CTBP2: variants seen among roughly 807,000 people sequenced by gnomAD.
CTBP2 encodes the protein C-terminal-binding protein 2.
CTBP2 carries 30 observed loss-of-function variants against 80.3 expected under a neutral mutation model. The ratio of observed to expected loss-of-function variants is 0.37; its 90% CI spans 0.28 to 0.51. The LOEUF (loss-of-function observed/expected upper bound fraction) is 0.51. Among genes scored for constraint, CTBP2 ranks in the 20% least tolerant of loss-of-function variants. The pLI is 0.93. For synonymous variants in CTBP2, 594 were observed against 587.4 expected (o/e 1.01, Z -0.16); for missense variants, 1,212 against 1,375.3 (o/e 0.88, Z 1.88).
chr10:124,992,298 G>A lies in CTBP2; in HGVS notation c.2777+397C>T, dbSNP rs138526054. Among the ~76,000 whole-genome samples, 606 of 148,956 alleles carry A rather than the reference G, an allele frequency of 4.1e-3. 4 individuals carry two copies. Among genetic ancestry groups the A allele is most frequent in the African/African-American group, 0.014 (578 of 40,312 alleles). On this transcript the variant is annotated intron_variant, in intron 8 of 8. Coordinates refer to ENST00000309035, the MANE Select transcript of CTBP2 (RefSeq NM_022802.3). Reference sequence around the variant, plus strand: ...TGGCCTAGGCTGGAGTGCAGTGGGTGATCTCGGCTCACTGCAATCTCCACC... The same window carrying A: ...TGGCCTAGGCTGGAGTGCAGTGGGTAATCTCGGCTCACTGCAATCTCCACC...
chr10:125,004,311 C>G (rs938599818), intron 1 of CTBP2, among the ~76,000 whole-genome samples: 1 of 152,190 alleles, frequency 6.6e-6, no homozygotes, highest in Non-Finnish European at 1.5e-5. Context: ...GCTTGCGCCC[C>G]GTGCACATAC....
At chr10:125,088,118 C>T (rs777327894) in intron 2 of CTBP2, 19 of 152,334 alleles carry the variant, frequency 1.2e-4, no homozygotes, top group Non-Finnish European at 2.1e-4. Context: ...CCTATGGAGC[C>T]ACCAAGAGCT....
In CTBP2 at chr10:125,078,679, G is replaced by A. The variant is rs547575415; in HGVS notation, c.-102+32311C>T. Reference sequence around the variant, plus strand: ...CAGCTCTGGAGGCGGAGCAATCACCGGATCCTGTAGAGATGGCCAAAGCCA... The same window carrying A: ...CAGCTCTGGAGGCGGAGCAATCACCAGATCCTGTAGAGATGGCCAAAGCCA... On this transcript the variant is annotated intron_variant, in intron 2 of 10. Transcript: ENST00000337195. Among the ~76,000 whole-genome samples, 14 of 152,186 alleles carry A rather than the reference G, an allele frequency of 9.2e-5. No individual in the cohort carries two copies. In the East Asian group the frequency reaches 1.3e-3, roughly 15 times the overall value.
chr10:125,151,218 GAAGACGAGGGC>G (rs1859795604), intron 1 of CTBP2, among the ~76,000 whole-genome samples: 1 of 152,290 alleles, frequency 6.6e-6, no homozygotes, highest in African/African-American at 2.4e-5. Flanking sequence ...CCTCCATGGA[GAAGACGAGGGC>G]AAGACGAAAC....
chr10:125,112,128 T>TG (rs1237385766), intron 1 of CTBP2, among the ~76,000 whole-genome samples: 5 of 140,532 alleles, frequency 3.6e-5, no homozygotes, highest in Admixed American at 1.4e-4. Flanking sequence ...TTTTTTTTTT[T>TG]GGGAGAAAGA....
intron 2 of CTBP2, 103 bp downstream of exon 4, chr10:125,003,235 G>A: frequency 6.3e-7 from 1 of 1,581,230 alleles, no homozygotes; most frequent in South Asian, 1.1e-5. Context: ...AGGGAACAGG[G>A]GTTCTGGGGC....
At chr10:125,007,008 C>T (rs753644837) in intron 1 of CTBP2, among the ~76,000 whole-genome samples, 4 of 152,250 alleles carry the variant, frequency 2.6e-5, no homozygotes, top group South Asian at 2.1e-4. Context: ...AGGGTGGCCC[C>T]GTACCACGGT....
chr10:125,079,893 G>A (rs185296517), intron 2 of CTBP2, among the ~76,000 whole-genome samples: 60 of 152,264 alleles, frequency 3.9e-4, no homozygotes, highest in African/African-American at 1.4e-3. Context: ...AGCACTCCAT[G>A]GAGAAGTACT....
chr10:125,140,437 G>A (rs1282972374), intron 1 of CTBP2, among the ~76,000 whole-genome samples: 1 of 152,086 alleles, frequency 6.6e-6, no homozygotes, highest in Admixed American at 6.6e-5. Context: ...GACATTTCGG[G>A]CAACGACCAG....
At chr10:125,019,218 C>A (rs1431485718) in intron 1 of CTBP2, among the ~76,000 whole-genome samples, 1 of 152,282 alleles carries the variant, frequency 6.6e-6, no homozygotes, top group South Asian at 2.1e-4. Context: ...TGAAGCCAGC[C>A]TCAGAGTGGG....
chr10:125,018,998 G>A (rs1426469837), intron 1 of CTBP2, among the ~76,000 whole-genome samples: 2 of 152,186 alleles, frequency 1.3e-5, no homozygotes, highest in East Asian at 3.8e-4. Flanking sequence ...AGTGGGGACG[G>A]GTGTTTCTAG....
At chr10:125,005,804 C>T (rs996465477) in intron 1 of CTBP2, 11 of 1,610,966 alleles carry the variant, frequency 6.8e-6, no homozygotes, top group Non-Finnish European at 8.5e-6. Context: ...AAGTCCTGGT[C>T]TCATGCCCCA....
At chr10:125,057,165 G>C (rs950354040) in intron 2 of CTBP2, among the ~76,000 whole-genome samples, 3 of 152,236 alleles carry the variant, frequency 2.0e-5, no homozygotes, top group Admixed American at 6.5e-5. Context: ...CGGATTGTTA[G>C]AGACAAAACC....
rs190943111 is a variant in CTBP2, at chr10:125,140,247, A to C, written c.-206+20072T>G. 8.5e-5 allele frequency among the ~76,000 whole-genome samples: 13 copies of C among 152,096 alleles called. No homozygotes were observed. The South Asian group carries it at 1.3e-3, about 15-fold the overall frequency. On this transcript the variant is annotated intron_variant, in intron 1 of 10. Coordinates refer to the CTBP2 transcript ENST00000337195. The stretch of plus-strand genomic sequence containing the variant: ...ATTTCAGGCCAGGAATCAAGGTCAC[A>C]TTTAGTCTGAGCTCAAAGGCATCAA...
chr10:125,081,083 G>A (rs571119039), intron 2 of CTBP2, among the ~76,000 whole-genome samples: 3 of 152,130 alleles, frequency 2.0e-5, no homozygotes, highest in Middle Eastern at 3.4e-3. Context: ...CTCCTAATCC[G>A]CTGTGCTGAC....
intron 1 of CTBP2, among the ~76,000 whole-genome samples, chr10:125,009,863 C>G (rs749202900): frequency 1.3e-5 from 2 of 152,120 alleles, no homozygotes. Flanking sequence ...GTGGGAGCCT[C>G]GTGTTGTCAA....
chr10:125,160,628 T>A (rs1192131209), upstream of CTBP2: 1 of 20,786 alleles, frequency 4.8e-5, no homozygotes, highest in South Asian at 2.0e-3. Flanking sequence ...TCCCCTCCCC[T>A]CCCCACCCTA....
rs951324167 is a variant in CTBP2, at chr10:125,108,101, T to G, written c.-102+2889A>C. On this transcript the variant is annotated intron_variant, in intron 2 of 10. Coordinates refer to the CTBP2 transcript ENST00000337195. ...AAGCCAGCAAAGCCATCTGGCACAT[T>G]GAGCTTTCATTCTGACAAATAGCAA... is the stretch of plus-strand genomic sequence containing the variant. 3.2e-4 allele frequency among the ~76,000 whole-genome samples: 49 copies of G among 152,342 alleles called. 2 individuals carry two copies. Among genetic ancestry groups the G allele is most frequent in the African/African-American group, 1.2e-3 (49 of 41,574 alleles).
intron 2 of CTBP2, among the ~76,000 whole-genome samples, chr10:125,076,875 C>G (rs994665408): frequency 9.9e-5 from 15 of 152,212 alleles, no homozygotes; most frequent in African/African-American, 3.6e-4. Flanking sequence ...TTCCCAGACC[C>G]TCTTCATCCT....
Sources: allele counts gnomAD v4.1 joint callset (sites outside exome capture counted in the v4.1 genomes callset), GRCh38; gene constraint gnomAD v4.1.1; transcripts MANE v1.5; gene names NCBI Gene and HGNC (gene_info 2026-07-23, HGNC 2026-07-21).